The following KCNK2 variants were observed in gnomAD, a reference collection of about 807,000 sequenced individuals.
KCNK2 encodes the protein potassium channel subfamily K member 2.
In KCNK2, 21 loss-of-function variants were observed where a neutral mutation model predicts 40.5. The ratio of observed to expected loss-of-function variants is 0.52; its 90% CI spans 0.37 to 0.75. The LOEUF is 0.75. KCNK2 is among the 30% of genes least tolerant of loss of function. The probability of loss-of-function intolerance (pLI) is 0.00; values close to 1 mark genes in which losing one functional copy is unlikely to be tolerated. For missense variants in KCNK2, 399 were observed against 531.6 expected (o/e 0.75, Z 2.45); for synonymous variants, 191 against 202.2 (o/e 0.94, Z 0.47).
intron 6 of KCNK2, among the ~76,000 whole-genome samples, chr1:215,211,642 A>G (rs1361625223): frequency 6.6e-6 from 1 of 152,208 alleles, no homozygotes; most frequent in Non-Finnish European, 1.5e-5. Flanking sequence ...CTTAGCATAT[A>G]ACAGGCACTC....
At chr1:215,038,912 A>G (rs1483928393) in intron 1 of KCNK2, among the ~76,000 whole-genome samples, 2 of 151,858 alleles carry the variant, frequency 1.3e-5, no homozygotes, top group Non-Finnish European at 2.9e-5. Flanking sequence ...GTTTATCAAT[A>G]TGTTATGATC....
chr1:215,050,586 T>C (rs1440750420), intron 1 of KCNK2, among the ~76,000 whole-genome samples: 1 of 152,102 alleles, frequency 6.6e-6, no homozygotes, highest in East Asian at 1.9e-4. Context: ...TAAAAAAAGT[T>C]TGATGTACCA....
At chr1:215,115,961 T>G (rs535273268) in intron 2 of KCNK2, among the ~76,000 whole-genome samples, 6 of 151,700 alleles carry the variant, frequency 4.0e-5, no homozygotes, top group East Asian at 1.9e-4. Flanking sequence ...TCATGTTTTT[T>G]TTTTTTTTTT....
At chr1:215,171,859 C>A in intron 4 of KCNK2, 138 bp from the exon 5 acceptor site, 1 of 501,794 alleles carries the variant, frequency 2.0e-6, no homozygotes, top group East Asian at 3.2e-5. Flanking sequence ...TGCTAATTTG[C>A]TCATAATAGT....
intron 3 of KCNK2, among the ~76,000 whole-genome samples, chr1:215,143,272 G>A (rs1662267642): frequency 6.6e-6 from 1 of 152,074 alleles, no homozygotes. Context: ...GTATCCAAGG[G>A]AAGGCTGCCT....
chr1:215,197,691 T>A (rs1347825666), intron 6 of KCNK2, among the ~76,000 whole-genome samples: 1 of 152,102 alleles, frequency 6.6e-6, no homozygotes, highest in Non-Finnish European at 1.5e-5. Flanking sequence ...AATTTCTACA[T>A]AACTGATTTA....
intron 1 of KCNK2, among the ~76,000 whole-genome samples, chr1:215,039,685 A>T (rs537120674): frequency 2.0e-5 from 3 of 152,284 alleles, no homozygotes; most frequent in Non-Finnish European, 4.4e-5. Context: ...GACGATTTAA[A>T]TATTTTTTCT....
chr1:215,122,496 G>A (rs998221538), intron 2 of KCNK2, among the ~76,000 whole-genome samples: 5 of 152,036 alleles, frequency 3.3e-5, no homozygotes, highest in Non-Finnish European at 7.4e-5. Flanking sequence ...TTGTGCATAT[G>A]TGTGTATATG....
chr1:215,035,740 C>G (rs1657361579), intron 1 of KCNK2, among the ~76,000 whole-genome samples: 1 of 151,996 alleles, frequency 6.6e-6, no homozygotes, highest in Non-Finnish European at 1.5e-5. Context: ...GTGTTCAATT[C>G]ACTTGTGAAA....
intron 2 of KCNK2, among the ~76,000 whole-genome samples, chr1:215,123,054 A>G (rs1661265292): frequency 6.6e-6 from 1 of 152,192 alleles, no homozygotes; most frequent in Non-Finnish European, 1.5e-5. Flanking sequence ...GAAAACATTC[A>G]TAATCTTTAA....
chr1:215,045,599 C>A (rs771920777), intron 1 of KCNK2, among the ~76,000 whole-genome samples: 1 of 152,018 alleles, frequency 6.6e-6, no homozygotes, highest in Non-Finnish European at 1.5e-5. Flanking sequence ...TCCATATAAC[C>A]CTTGTTTGGT....
intron 1 of KCNK2, among the ~76,000 whole-genome samples, chr1:215,064,309 G>T (rs1254802231): frequency 6.6e-6 from 1 of 151,724 alleles, no homozygotes; most frequent in Non-Finnish European, 1.5e-5. Context: ...CCTCGGGGGT[G>T]TGTGTGTGTA....
intron 6 of KCNK2, among the ~76,000 whole-genome samples, chr1:215,229,207 CTTTTT>C (rs201225142): frequency 1.5e-5 from 2 of 129,922 alleles, no homozygotes; most frequent in Non-Finnish European, 3.3e-5. Flanking sequence ...GATTGTTTTT[CTTTTT>C]TTTTTTTTTT....
chr1:215,013,134 T>C (rs562712828), intron 1 of KCNK2, among the ~76,000 whole-genome samples: 4 of 152,188 alleles, frequency 2.6e-5, no homozygotes, highest in Admixed American at 6.5e-5. Flanking sequence ...TTTAGATCTA[T>C]GATTCACTTC....
At chr1:215,084,108 A>G (rs1228103958) in intron 1 of KCNK2, among the ~76,000 whole-genome samples, 1 of 152,084 alleles carries the variant, frequency 6.6e-6, no homozygotes, top group Non-Finnish European at 1.5e-5. Context: ...TACATTACAT[A>G]TATTTCTGCT....
In KCNK2 at chr1:215,236,044, A is replaced by AAATC. The variant is rs1295001879; in HGVS notation, c.*900_*903dup. 476 of 53,286 alleles carry AAATC rather than the reference A, an allele frequency of 8.9e-3. 4 individuals are homozygous for AAATC. Among genetic ancestry groups the AAATC allele is most frequent in the African/African-American group, 0.025 (459 of 18,318 alleles). 3.3% of individuals were successfully genotyped at this position (53,286 alleles called of 1,614,324 possible). A position where few individuals can be genotyped will look rare whatever the true frequency, so the allele number is the denominator to read the frequency against. ...ATACATTTTTAAAGGCAGAAGAAGA[A>AAATC]AATCTATCTATCTATCTATCTATCT... On this transcript the variant is annotated 3_prime_UTR_variant, in exon 7 of 7. Transcript: ENST00000444842.
chr1:215,012,006 G>A (rs571935793), intron 1 of KCNK2, among the ~76,000 whole-genome samples: 1 of 152,066 alleles, frequency 6.6e-6, no homozygotes, highest in Non-Finnish European at 1.5e-5. Context: ...TTATTGCTGA[G>A]AAGTATTTTG....
In KCNK2 at chr1:215,074,420, C is replaced by T. The variant is rs1051168220; in HGVS notation, c.35-11948C>T. On this transcript the variant is annotated intron_variant, in intron 1 of 6. Transcript: ENST00000391895. ...TACATCCTCTTTTTGCTTTTTTATT[C>T]CATTTATGTCTTGTGAATTCATTTT... Among the ~76,000 whole-genome samples, 5 of 152,076 alleles carry T rather than the reference C, an allele frequency of 3.3e-5. No homozygotes were observed. The South Asian group carries it at 6.2e-4, about 19-fold the overall frequency.
chr1:215,040,304 C>T (rs1302927829), intron 1 of KCNK2, among the ~76,000 whole-genome samples: 1 of 152,078 alleles, frequency 6.6e-6, no homozygotes, highest in Non-Finnish European at 1.5e-5. Flanking sequence ...ACAAATAATA[C>T]TATTGTTTCC....
Sources: allele counts gnomAD v4.1 joint callset (sites outside exome capture counted in the v4.1 genomes callset), GRCh38; gene constraint gnomAD v4.1.1; transcripts MANE v1.5; gene names NCBI Gene and HGNC (gene_info 2026-07-23, HGNC 2026-07-21).